SLC7A14: variants seen among roughly 807,000 people sequenced by gnomAD.
SLC7A14 encodes the protein solute carrier family 7 member 14.
In SLC7A14, 37 loss-of-function variants were observed where a neutral mutation model predicts 60.2. The ratio of observed to expected loss-of-function variants is 0.61; its 90% CI spans 0.47 to 0.81. The LOEUF is 0.81. Among genes scored for constraint, SLC7A14 ranks in the 30% least tolerant of loss-of-function variants. The pLI, the probability that SLC7A14 is intolerant of heterozygous loss-of-function variation, is 0.00. For missense variants in SLC7A14, 886 were observed against 982.7 expected (o/e 0.90, Z 1.32); for synonymous variants, 399 against 395.8 (o/e 1.01, Z -0.10).
At chr3:170,502,412 T>C (rs571396693) in intron 2 of SLC7A14, among the ~76,000 whole-genome samples, 50 of 152,274 alleles carry the variant, frequency 3.3e-4, no homozygotes, top group African/African-American at 1.2e-3. Context: ...TTAGAGAATA[T>C]ATTAGAAAGA....
intron 1 of SLC7A14, among the ~76,000 whole-genome samples, chr3:170,539,838 T>C (rs1288869067): frequency 1.3e-5 from 2 of 152,202 alleles, no homozygotes; most frequent in African/African-American, 4.8e-5. Flanking sequence ...TTCCTATATG[T>C]ACATACCTAT....
intron 2 of SLC7A14, among the ~76,000 whole-genome samples, chr3:170,504,615 C>T (rs941691282): frequency 1.9e-4 from 29 of 152,076 alleles, no homozygotes; most frequent in Admixed American, 1.3e-3. Flanking sequence ...CCACTGCGCC[C>T]GGCGAAACCT....
intron 1 of SLC7A14, among the ~76,000 whole-genome samples, chr3:170,570,840 AC>A (rs1714931759): frequency 6.6e-6 from 1 of 150,888 alleles, no homozygotes; most frequent in Non-Finnish European, 1.5e-5. Flanking sequence ...TTTCCAAACC[AC>A]CCCCCACCCA....
chr3:170,525,656 A>T (rs1713470664), intron 2 of SLC7A14, among the ~76,000 whole-genome samples: 1 of 151,990 alleles, frequency 6.6e-6, no homozygotes, highest in Admixed American at 6.5e-5. Flanking sequence ...AAGAGGATTG[A>T]CCTATCTTCC....
At chr3:170,508,958 T>C (rs985433344) in intron 2 of SLC7A14, among the ~76,000 whole-genome samples, 3 of 152,222 alleles carry the variant, frequency 2.0e-5, no homozygotes, top group Non-Finnish European at 4.4e-5. Flanking sequence ...TGCTGGGTCC[T>C]GAGAAACATC....
chr3:170,469,737 T>C (rs1163763356), intron 7 of SLC7A14, among the ~76,000 whole-genome samples: 1 of 152,140 alleles, frequency 6.6e-6, no homozygotes, highest in Non-Finnish European at 1.5e-5. Context: ...AAATATTGCC[T>C]CCTACTCCTG....
intron 4 of SLC7A14, among the ~76,000 whole-genome samples, chr3:170,494,317 G>A (rs745753104): frequency 1.3e-5 from 2 of 152,242 alleles, no homozygotes; most frequent in Admixed American, 6.5e-5. Flanking sequence ...TGGGAAAAGC[G>A]TCCTTCATTT....
chr3:170,501,429 T>A (rs1220371938), intron 2 of SLC7A14, 84 bp from the exon 3 acceptor site: 2 of 1,120,558 alleles, frequency 1.8e-6, no homozygotes, highest in Non-Finnish European at 2.7e-6. Context: ...TGGAACATAC[T>A]GAGACTTTCT....
chr3:170,482,100 G>A (rs144604012), intron 6 of SLC7A14, among the ~76,000 whole-genome samples: 7 of 152,254 alleles, frequency 4.6e-5, no homozygotes, highest in African/African-American at 1.2e-4. Context: ...AACTGTGCTC[G>A]TAGATACAGA....
intron 2 of SLC7A14, among the ~76,000 whole-genome samples, chr3:170,525,732 G>A (rs1026436489): frequency 1.2e-4 from 18 of 152,350 alleles, no homozygotes; most frequent in African/African-American, 4.3e-4. Flanking sequence ...GAAGCTGGGA[G>A]GTGTATGAGA....
At chr3:170,490,230 C>A (rs936127849) in intron 4 of SLC7A14, among the ~76,000 whole-genome samples, 1 of 152,132 alleles carries the variant, frequency 6.6e-6, no homozygotes, top group Non-Finnish European at 1.5e-5. Context: ...GTACTAAGTA[C>A]CCACAAAACA....
At position 170,467,265 on chromosome 3, in the gene SLC7A14, G is replaced by C. The variant is rs765762215; in HGVS notation, c.2106C>G (p.Phe702Leu). Residue 702 changes from phenylalanine to leucine, a missense_variant, in exon 8 of 8, where the codon TTC becomes TTG. Phe to Leu is a conservative substitution (Grantham distance 22, BLOSUM62 0). Coordinates refer to ENST00000231706, the MANE Select transcript of SLC7A14 (RefSeq NM_020949.3). ...CGTAGGAGAAACCCTCCTCCACTGA[G>C]AAGGGGTCATCCACGTCGTAGCGTT... ...TYQRYDVDDP[F>L]SVEEGFSYAT... 4 of 1,614,250 alleles carry C rather than the reference G, an allele frequency of 2.5e-6. No homozygotes were observed. The highest frequency in any genetic ancestry group is 3.4e-6 in the Non-Finnish European group (4 of 1,180,050).
intron 7 of SLC7A14, among the ~76,000 whole-genome samples, chr3:170,469,578 G>C (rs1216568275): frequency 1.3e-5 from 2 of 152,190 alleles, no homozygotes; most frequent in Non-Finnish European, 2.9e-5. Flanking sequence ...AAGAGTGCCA[G>C]TGTGCTGGTT....
intron 7 of SLC7A14, among the ~76,000 whole-genome samples, chr3:170,475,599 A>T (rs1711588161): frequency 6.6e-6 from 1 of 152,188 alleles, no homozygotes; most frequent in South Asian, 2.1e-4. Flanking sequence ...TGCTTGATAA[A>T]ACTATGCTCC....
At chr3:170,576,002 T>C (rs984216703) in intron 1 of SLC7A14, among the ~76,000 whole-genome samples, 18 of 152,254 alleles carry the variant, frequency 1.2e-4, no homozygotes, top group Non-Finnish European at 2.2e-4. Flanking sequence ...GTATCATTTC[T>C]GTTCACACCT....
chr3:170,474,968 A>C (rs1711567716), intron 7 of SLC7A14, among the ~76,000 whole-genome samples: 1 of 152,198 alleles, frequency 6.6e-6, no homozygotes, highest in Admixed American at 6.5e-5. Context: ...GGAAGATACC[A>C]TGGTGCAGCA....
At chr3:170,562,658 T>C (rs1412923247) in intron 1 of SLC7A14, among the ~76,000 whole-genome samples, 1 of 152,154 alleles carries the variant, frequency 6.6e-6, no homozygotes, top group African/African-American at 2.4e-5. Flanking sequence ...TAAAAAAATA[T>C]AAATCAGGAT....
At chr3:170,543,906 T>C (rs1714093567) in intron 1 of SLC7A14, among the ~76,000 whole-genome samples, 1 of 151,442 alleles carries the variant, frequency 6.6e-6, no homozygotes, top group African/African-American at 2.4e-5. Context: ...TGTGCCACCA[T>C]GCCTGGCTAA....
chr3:170,565,139 A>G (rs1306384263), intron 1 of SLC7A14, among the ~76,000 whole-genome samples: 7 of 152,166 alleles, frequency 4.6e-5, no homozygotes, highest in Admixed American at 2.6e-4. Flanking sequence ...AAGTTGGCAT[A>G]GGAGGTGAGA....
Sources: gnomAD v4.1 joint callset for allele counts (sites outside exome capture counted in the v4.1 genomes callset) on GRCh38, gnomAD v4.1.1 for gene constraint, MANE v1.5 for transcripts, NCBI Gene and HGNC (gene_info 2026-07-23, HGNC 2026-07-21) for gene names.